Variants in CLNK observed in about 807,000 individuals in gnomAD.
The protein encoded by CLNK is cytokine-dependent hematopoietic cell linker.
In CLNK, 74 loss-of-function variants were observed where a neutral mutation model predicts 68.6. The ratio of observed to expected loss-of-function variants is 1.08; its 90% CI spans 0.89 to 1.31. The LOEUF is 1.31. CLNK is among the 50% of genes most tolerant of loss of function. The probability of loss-of-function intolerance (pLI) is 0.00; values close to 1 mark genes in which losing one functional copy is unlikely to be tolerated. For missense variants in CLNK, 553 were observed against 515.3 expected, an observed-to-expected ratio of 1.07 and a Z score of -0.71; for synonymous variants, 198 against 172.2, an observed-to-expected ratio of 1.15 and a Z score of -1.17.
chr4:10,519,092 GA>G (rs1399068939), intron 15 of CLNK, among the ~76,000 whole-genome samples: 4 of 152,136 alleles, frequency 2.6e-5, no homozygotes, highest in Admixed American at 2.6e-4. Context: ...GTTTGTTTAC[GA>G]AAACAGGAAC....
At chr4:10,505,986 CTAAT>C (rs1444091985) in intron 17 of CLNK, among the ~76,000 whole-genome samples, 2 of 152,078 alleles carry the variant, frequency 1.3e-5, no homozygotes, top group East Asian at 1.9e-4. Context: ...TATTCACTAA[CTAAT>C]TCATTCATTT....
the CLNK span, among the ~76,000 whole-genome samples, chr4:10,726,384 G>T: frequency 6.6e-6 from 1 of 152,196 alleles, no homozygotes; most frequent in Admixed American, 6.5e-5. Context: ...CTCCCAAAGT[G>T]CTGGGATTAT....
chr4:10,545,605 G>A (rs1246343568), intron 8 of CLNK, among the ~76,000 whole-genome samples: 1 of 152,100 alleles, frequency 6.6e-6, no homozygotes, highest in African/African-American at 2.4e-5. Flanking sequence ...TTTCTGCAGT[G>A]GCCTTGCTCC....
chr4:10,575,602 G>A (rs1720531805), intron 4 of CLNK, among the ~76,000 whole-genome samples: 1 of 152,232 alleles, frequency 6.6e-6, no homozygotes, highest in Non-Finnish European at 1.5e-5. Context: ...TCCTTCCCCT[G>A]CACTGGGCAG....
chr4:10,654,605 A>G (rs980590798), intron 2 of CLNK, among the ~76,000 whole-genome samples: 5 of 151,380 alleles, frequency 3.3e-5, no homozygotes, highest in Non-Finnish European at 7.4e-5. Context: ...ATGGAGAGGA[A>G]GAAATAAAAT....
chr4:10,502,711 A>C (rs980086436), intron 17 of CLNK, among the ~76,000 whole-genome samples: 4 of 152,034 alleles, frequency 2.6e-5, no homozygotes, highest in Non-Finnish European at 5.9e-5. Flanking sequence ...TGAAAGAGAC[A>C]TGGGGCTTTT....
intron 17 of CLNK, among the ~76,000 whole-genome samples, chr4:10,503,328 A>G (rs374547968): frequency 1.4e-4 from 22 of 151,876 alleles, no homozygotes; most frequent in African/African-American, 4.3e-4. Context: ...CAGGCATGGT[A>G]TCATGTCCCT....
the CLNK span, among the ~76,000 whole-genome samples, chr4:10,699,992 CTGTGTGTGCATATG>C: frequency 1.0e-5 from 1 of 100,340 alleles, no homozygotes; most frequent in South Asian, 4.3e-4. Flanking sequence ...AAAGGACTGA[CTGTGTGTGCATATG>C]TGTGTGTGTG....
At chr4:10,509,966 A>C (rs1018226675) in intron 16 of CLNK, among the ~76,000 whole-genome samples, 1 of 152,204 alleles carries the variant, frequency 6.6e-6, no homozygotes, top group African/African-American at 2.4e-5. Context: ...TTGGAGCCCC[A>C]TCTCCTGACT....
At chr4:10,682,316 G>T (rs1725124894) in intron 1 of CLNK, among the ~76,000 whole-genome samples, 1 of 152,052 alleles carries the variant, frequency 6.6e-6, no homozygotes, top group Admixed American at 6.6e-5. Flanking sequence ...ATGTTTCTTT[G>T]TCATGCTAGG....
chr4:10,714,788 C>A, the CLNK span, among the ~76,000 whole-genome samples: 1 of 151,980 alleles, frequency 6.6e-6, no homozygotes, highest in Non-Finnish European at 1.5e-5. Context: ...AAAAGGCACT[C>A]TAGTTAACAA....
intron 2 of CLNK, among the ~76,000 whole-genome samples, chr4:10,617,618 T>C (rs1304967264): frequency 1.3e-5 from 2 of 152,222 alleles, no homozygotes; most frequent in East Asian, 1.9e-4. Flanking sequence ...ACATTAAAAA[T>C]AAAGGCTTTA....
chr4:10,502,832 G>A (rs775855795), intron 17 of CLNK, among the ~76,000 whole-genome samples: 4 of 151,988 alleles, frequency 2.6e-5, no homozygotes, highest in African/African-American at 4.8e-5. Flanking sequence ...GAAAAGGCCC[G>A]GAGATGCCTG....
At position 10,611,233 on chromosome 4, in the gene CLNK, G is replaced by A. The variant is rs181891243; in HGVS notation, c.12-13184C>T. On this transcript the variant is annotated intron_variant, in intron 2 of 18. Transcript: ENST00000226951. ...TTTGGGAGGCTGAGGCAGGAGAATC[G>A]CTTGAACCCAGGAGGCAGAGGTTGC... Among the ~76,000 whole-genome samples the A allele has an allele frequency of 1.9e-3, 296 of 152,222 alleles. 1 individual carries two copies. The highest frequency in any genetic ancestry group is 6.0e-3 in the African/African-American group (249 of 41,524).
intron 4 of CLNK, among the ~76,000 whole-genome samples, chr4:10,574,557 G>A (rs996543362): frequency 1.3e-4 from 20 of 151,954 alleles, no homozygotes; most frequent in African/African-American, 4.8e-4. Flanking sequence ...CTCTGCCCCC[G>A]CCCTTTCCCT....
intron 8 of CLNK, among the ~76,000 whole-genome samples, chr4:10,543,678 CA>C (rs1276050452): frequency 6.6e-6 from 1 of 152,230 alleles, no homozygotes; most frequent in African/African-American, 2.4e-5. Flanking sequence ...CAACACAGCA[CA>C]AACTGGTCTG....
At chr4:10,662,479 A>C (rs532412329) in intron 2 of CLNK, among the ~76,000 whole-genome samples, 1 of 152,330 alleles carries the variant, frequency 6.6e-6, no homozygotes, top group South Asian at 2.1e-4. Flanking sequence ...TTAATGAAGA[A>C]CATACATTAC....
At chr4:10,594,594 C>T (rs776622596) in intron 3 of CLNK, among the ~76,000 whole-genome samples, 1 of 152,198 alleles carries the variant, frequency 6.6e-6, no homozygotes, top group Admixed American at 6.5e-5. Flanking sequence ...GGAGCCACAG[C>T]TACCAGGCCT....
At chr4:10,577,511 G>A (rs1420458834) in intron 4 of CLNK, among the ~76,000 whole-genome samples, 1 of 152,212 alleles carries the variant, frequency 6.6e-6, no homozygotes, top group Non-Finnish European at 1.5e-5. Context: ...ATGGCCATAA[G>A]TCCAAGCTTT....
Sources: allele counts gnomAD v4.1 joint callset (sites outside exome capture counted in the v4.1 genomes callset), GRCh38; gene constraint gnomAD v4.1.1; transcripts MANE v1.5; gene names NCBI Gene and HGNC (gene_info 2026-07-23, HGNC 2026-07-21).